Variants in FGF14 observed in about 807,000 individuals in gnomAD.
FGF14 encodes the protein fibroblast growth factor 14.
FGF14 carries 5 observed loss-of-function variants against 25.5 expected under a neutral mutation model. The observed-to-expected ratio is 0.20, with a 90% confidence interval of 0.10 to 0.41. The LOEUF (loss-of-function observed/expected upper bound fraction) is 0.41, where lower values mean the gene tolerates loss of function less well. Among genes scored for constraint, FGF14 ranks in the 10% least tolerant of loss-of-function variants. The probability of loss-of-function intolerance (pLI) is 1.00; values close to 1 mark genes in which losing one functional copy is unlikely to be tolerated. For missense variants in FGF14, 222 were observed against 320.1 expected (o/e 0.69, Z 2.34); for synonymous variants, 138 against 118.3 (o/e 1.17, Z -1.08).
rs920485658 is a variant in FGF14 at position 102,400,013 on chromosome 13, G to T, written c.208+1458C>A. 6.6e-6 allele frequency among the ~76,000 whole-genome samples: 1 copy of T among 152,104 alleles called. No individual in the cohort carries two copies. The highest frequency in any genetic ancestry group is 2.4e-5 in the African/African-American group (1 of 41,436). Reference sequence around the variant, plus strand: ...CTCCTTTGCTGCAGGAATGGTGGCCGCAAACGGTCTCAGCCTCCGCACCCA... The same window carrying T: ...CTCCTTTGCTGCAGGAATGGTGGCCTCAAACGGTCTCAGCCTCCGCACCCA... On this transcript the variant is annotated intron_variant, in intron 1 of 4. Transcript: ENST00000376131. This position sits in a 1 kb window ranked among gnomAD's most constrained non-coding sequence, Gnocchi z 4.3.
chr13:102,210,329 T>C (rs1040767115), intron 1 of FGF14, among the ~76,000 whole-genome samples: 3 of 152,190 alleles, frequency 2.0e-5, no homozygotes, highest in African/African-American at 7.2e-5. Flanking sequence ...AGAGATTATT[T>C]ATGTATTTTA....
At chr13:101,839,631 A>C (rs1237001019) in intron 3 of FGF14, among the ~76,000 whole-genome samples, 1 of 152,066 alleles carries the variant, frequency 6.6e-6, no homozygotes, top group African/African-American at 2.4e-5. Flanking sequence ...ATCATGGAAA[A>C]TGAGGTATCG....
chr13:101,926,207 A>C (rs1019513393), intron 1 of FGF14, among the ~76,000 whole-genome samples: 1 of 152,208 alleles, frequency 6.6e-6, no homozygotes, highest in African/African-American at 2.4e-5. Context: ...CCCTGTATCC[A>C]AAACACACAG....
At chr13:102,032,781 ACGGAGGCCGTCCAT>A (rs1488609404) in intron 1 of FGF14, among the ~76,000 whole-genome samples, 3 of 152,094 alleles carry the variant, frequency 2.0e-5, no homozygotes, top group African/African-American at 7.2e-5. Flanking sequence ...ATGGCACCAT[ACGGAGGCCGTCCAT>A]GAGGAAAAGA....
upstream of FGF14, among the ~76,000 whole-genome samples, chr13:101,921,203 C>A (rs769761495): frequency 1.3e-5 from 2 of 152,192 alleles, no homozygotes; most frequent in Non-Finnish European, 2.9e-5. Context: ...GCATAGATAT[C>A]TTCTCTGGGA....
At chr13:102,378,512 T>C (rs2058092763) in intron 1 of FGF14, among the ~76,000 whole-genome samples, 1 of 152,084 alleles carries the variant, frequency 6.6e-6, no homozygotes, top group South Asian at 2.1e-4. Context: ...GAAACTAACA[T>C]TGTTTCTGAC....
chr13:102,258,034 T>C lies in FGF14; in HGVS notation c.208+143437A>G, dbSNP rs140442321. On this transcript the variant is annotated intron_variant, in intron 1 of 4. Coordinates refer to the FGF14 transcript ENST00000376131. The stretch of plus-strand genomic sequence containing the variant: ...CCACGTGGCTGGAGAGGCCTGACAA[T>C]CATGGTGGAAGGTGAAAGGCATGTC... Among the ~76,000 whole-genome samples, 12 of 152,218 alleles carry C rather than the reference T, an allele frequency of 7.9e-5. No individual in the cohort carries two copies. The East Asian group carries it at 2.3e-3, about 29-fold the overall frequency.
At chr13:101,958,001 G>T (rs1007904775) in intron 1 of FGF14, among the ~76,000 whole-genome samples, 13 of 152,058 alleles carry the variant, frequency 8.5e-5, no homozygotes, top group African/African-American at 3.1e-4. Context: ...GGAAAATAAC[G>T]ATTTAAAATA....
intron 1 of FGF14, among the ~76,000 whole-genome samples, chr13:102,309,862 G>A (rs2138665102): frequency 6.6e-6 from 1 of 152,182 alleles, no homozygotes; most frequent in South Asian, 2.1e-4. Flanking sequence ...ATTTGCTTTA[G>A]CCTTTGAATC....
At chr13:101,825,112 A>G (rs2042338192) in intron 3 of FGF14, among the ~76,000 whole-genome samples, 1 of 152,256 alleles carries the variant, frequency 6.6e-6, no homozygotes, top group South Asian at 2.1e-4. Context: ...CCTGAGGAAG[A>G]GGTGGGAAGC....
intron 3 of FGF14, among the ~76,000 whole-genome samples, chr13:101,735,252 GGTT>G (rs1474840808): frequency 6.6e-6 from 1 of 152,064 alleles, no homozygotes; most frequent in African/African-American, 2.4e-5. Context: ...CAGGTTTTGT[GGTT>G]GTTCATTATA....
At chr13:101,746,412 T>C (rs2036894206) in intron 3 of FGF14, among the ~76,000 whole-genome samples, 1 of 152,028 alleles carries the variant, frequency 6.6e-6, no homozygotes, top group South Asian at 2.1e-4. Context: ...AGTCATCTTA[T>C]ATACTGACAG....
chr13:102,393,241 T>A (rs1277843787), intron 1 of FGF14, among the ~76,000 whole-genome samples: 1 of 152,230 alleles, frequency 6.6e-6, no homozygotes, highest in Non-Finnish European at 1.5e-5. Flanking sequence ...CACCACATCA[T>A]AATTGATCCT....
At chr13:101,991,135 T>C (rs1321423605) in intron 1 of FGF14, among the ~76,000 whole-genome samples, 2 of 152,170 alleles carry the variant, frequency 1.3e-5, no homozygotes, top group Non-Finnish European at 2.9e-5. Context: ...CAATATATGC[T>C]TTAAAATATG....
At chr13:101,990,244 C>G (rs2038823268) in intron 1 of FGF14, among the ~76,000 whole-genome samples, 2 of 152,216 alleles carry the variant, frequency 1.3e-5, no homozygotes, top group South Asian at 4.1e-4. Flanking sequence ...TTACTGACCA[C>G]TTTTGGCCTC....
chr13:102,226,405 AT>A (rs1422415321), intron 1 of FGF14, among the ~76,000 whole-genome samples: 5 of 152,178 alleles, frequency 3.3e-5, no homozygotes, highest in Non-Finnish European at 1.5e-5. Context: ...AAGTTATCCC[AT>A]TTATCTCCTA....
intron 1 of FGF14, chr13:102,017,215 G>T: frequency 3.3e-6 from 1 of 299,694 alleles, no homozygotes; most frequent in Non-Finnish European, 6.4e-6. Context: ...ATTTTTGGAT[G>T]TGTGCTGGGG....
chr13:102,260,403 T>C (rs905879617), intron 1 of FGF14, among the ~76,000 whole-genome samples: 5 of 152,214 alleles, frequency 3.3e-5, no homozygotes, highest in African/African-American at 9.7e-5. Flanking sequence ...GAGAGCAAAG[T>C]AATGCCCTCC....
intron 1 of FGF14, among the ~76,000 whole-genome samples, chr13:102,047,200 A>C (rs2042021967): frequency 1.3e-5 from 2 of 152,166 alleles, no homozygotes; most frequent in Admixed American, 1.3e-4. Context: ...GACAGCAGGA[A>C]ATGTCATCCA....
Sources: allele counts gnomAD v4.1 joint callset (sites outside exome capture counted in the v4.1 genomes callset), GRCh38; gene constraint gnomAD v4.1.1; non-coding constraint Gnocchi (gnomAD v3.1); transcripts MANE v1.5; gene names NCBI Gene and HGNC (gene_info 2026-07-23, HGNC 2026-07-21).